Variants in TAS2R1 observed in about 807,000 individuals in gnomAD.
TAS2R1 encodes taste receptor type 2 member 1.
For synonymous variants in TAS2R1, 141 were observed against 134.2 expected (o/e 1.05, Z -0.35); for missense variants, 370 against 353.4 (o/e 1.05, Z -0.38).
the TAS2R1 span, among the ~76,000 whole-genome samples, chr5:9,886,588 C>T: frequency 6.6e-6 from 1 of 152,052 alleles, no homozygotes; most frequent in Non-Finnish European, 1.5e-5. Context: ...CCCACCTCGG[C>T]CTCTCAAAGT....
chr5:9,632,987 G>T (rs1018434937), upstream of TAS2R1, among the ~76,000 whole-genome samples: 5 of 151,788 alleles, frequency 3.3e-5, no homozygotes, highest in African/African-American at 1.2e-4. Flanking sequence ...GTACATCAGA[G>T]AAATCACTGT....
the TAS2R1 span, among the ~76,000 whole-genome samples, chr5:9,731,037 A>G: frequency 6.6e-6 from 1 of 152,082 alleles, no homozygotes. Context: ...AAACAGACTA[A>G]TACATAGCAC....
chr5:9,768,844 C>T, the TAS2R1 span, among the ~76,000 whole-genome samples: 1 of 152,126 alleles, frequency 6.6e-6, no homozygotes, highest in Non-Finnish European at 1.5e-5. Flanking sequence ...TTGATATAGG[C>T]ATACAATGCA....
chr5:9,900,618 GTTTTTTTTTTT>G, the TAS2R1 span, among the ~76,000 whole-genome samples: 1 of 119,946 alleles, frequency 8.3e-6, no homozygotes, highest in African/African-American at 3.3e-5. Context: ...TGCTCAAATG[GTTTTTTTTTTT>G]TTTTTTTTTT....
chr5:9,787,372 TTA>T, the TAS2R1 span, among the ~76,000 whole-genome samples: 1 of 152,232 alleles, frequency 6.6e-6, no homozygotes, highest in African/African-American at 2.4e-5. Flanking sequence ...AATATGGTGT[TTA>T]AAAATGTGTC....
At chr5:9,638,307 C>T (rs1234212634) in intron 2 of TAS2R1, among the ~76,000 whole-genome samples, 1 of 152,194 alleles carries the variant, frequency 6.6e-6, no homozygotes, top group East Asian at 1.9e-4. Flanking sequence ...ACATGGATTC[C>T]AGCACCTGCT....
chr5:9,754,079 C>T, the TAS2R1 span, among the ~76,000 whole-genome samples: 2 of 152,130 alleles, frequency 1.3e-5, no homozygotes, highest in Non-Finnish European at 2.9e-5. Flanking sequence ...GGGCTTCATC[C>T]CTGGGATGCA....
the TAS2R1 span, among the ~76,000 whole-genome samples, chr5:9,862,347 T>C: frequency 6.6e-6 from 1 of 152,190 alleles, no homozygotes; most frequent in Non-Finnish European, 1.5e-5. Context: ...AAGCCTGGCA[T>C]GAAGCAGAGA....
chr5:9,654,761 T>C (rs1274008580), intron 2 of TAS2R1, among the ~76,000 whole-genome samples: 1 of 152,212 alleles, frequency 6.6e-6, no homozygotes, highest in Admixed American at 6.5e-5. Flanking sequence ...GAAACAAGTC[T>C]TAGTAAAGAT....
chr5:9,781,608 C>G, the TAS2R1 span, among the ~76,000 whole-genome samples: 1 of 152,228 alleles, frequency 6.6e-6, no homozygotes, highest in African/African-American at 2.4e-5. Flanking sequence ...CTTAAATTCC[C>G]CACTCTGCTG....
At chr5:9,891,196 A>G in the TAS2R1 span, among the ~76,000 whole-genome samples, 43 of 152,220 alleles carry the variant, frequency 2.8e-4, no homozygotes, top group African/African-American at 1.0e-3. Context: ...ACACATCTGG[A>G]AAACAGCAAA....
the TAS2R1 span, among the ~76,000 whole-genome samples, chr5:9,719,367 G>C: frequency 3.9e-5 from 6 of 152,158 alleles, no homozygotes; most frequent in African/African-American, 1.4e-4. Flanking sequence ...TTTTGGTTTT[G>C]CAACCTTCGG....
chr5:9,861,130 C>T, the TAS2R1 span, among the ~76,000 whole-genome samples: 1 of 140,228 alleles, frequency 7.1e-6, no homozygotes, highest in South Asian at 2.4e-4. Flanking sequence ...ATAGATTTTA[C>T]ATTTTTAAAA....
the TAS2R1 span, among the ~76,000 whole-genome samples, chr5:9,745,662 A>G: frequency 6.6e-6 from 1 of 152,040 alleles, no homozygotes; most frequent in Non-Finnish European, 1.5e-5. Flanking sequence ...AAACAAGCAA[A>G]GAGGAAAGGA....
the TAS2R1 span, among the ~76,000 whole-genome samples, chr5:9,773,897 T>C: frequency 6.6e-6 from 1 of 152,180 alleles, no homozygotes; most frequent in Non-Finnish European, 1.5e-5. Flanking sequence ...GATGTAGTCT[T>C]CTTTGGGTTA....
the TAS2R1 span, among the ~76,000 whole-genome samples, chr5:9,865,062 T>C: frequency 6.6e-6 from 1 of 152,012 alleles, no homozygotes; most frequent in Non-Finnish European, 1.5e-5. Context: ...AAAGCAGGAG[T>C]TGGACCAGAG....
At chr5:9,900,046 G>A in the TAS2R1 span, among the ~76,000 whole-genome samples, 1 of 152,190 alleles carries the variant, frequency 6.6e-6, no homozygotes, top group African/African-American at 2.4e-5. Context: ...ATATGGTAAG[G>A]AAATGTTTAG....
At chr5:9,749,211 A>G in the TAS2R1 span, among the ~76,000 whole-genome samples, 1,355 of 152,320 alleles carry the variant, frequency 8.9e-3, 12 homozygotes, top group Non-Finnish European at 0.016. Context: ...TGATTAAGTC[A>G]AGGCACAGCC....
chr5:9,894,325 AC>A, the TAS2R1 span, among the ~76,000 whole-genome samples: 1 of 151,962 alleles, frequency 6.6e-6, no homozygotes, highest in Admixed American at 6.6e-5. Flanking sequence ...AATCGCTTGA[AC>A]CTGGGAAGTG....
Sources: allele counts gnomAD v4.1 joint callset (sites outside exome capture counted in the v4.1 genomes callset), GRCh38; gene constraint gnomAD v4.1.1; transcripts MANE v1.5; gene names NCBI Gene and HGNC (gene_info 2026-07-23, HGNC 2026-07-21).